The following PDE3A variants were observed in gnomAD, a reference collection of about 807,000 sequenced individuals.
PDE3A encodes cGMP-inhibited 3',5'-cyclic phosphodiesterase 3A.
PDE3A carries 43 observed loss-of-function variants against 98.3 expected under a neutral mutation model. That is an observed-to-expected ratio of 0.44 (90% CI 0.34 to 0.56). The LOEUF is 0.56. Ranked by LOEUF, PDE3A falls within the 20% of genes least tolerant of loss-of-function variation. The pLI is 0.01. For synonymous variants in PDE3A, 663 were observed against 567.9 expected (o/e 1.17, Z -2.38); for missense variants, 1,427 against 1,440.7 (o/e 0.99, Z 0.15).
Position 20,688,524 on chromosome 12 carries a change from A to G in PDE3A, c.*8253A>G, listed in dbSNP as rs191463845. Among the ~76,000 whole-genome samples the G allele has an allele frequency of 2.2e-3, 333 of 151,914 alleles. 5 individuals are homozygous for G. Among genetic ancestry groups the G allele is most frequent in the African/African-American group, 7.1e-3 (295 of 41,490 alleles). ...CAAAATTATTAAAATTATGTCCTAG[A>G]TTATCTATGTCGATGTTATGAGTGA... On this transcript the variant is annotated 3_prime_UTR_variant, in exon 16 of 16. Coordinates refer to ENST00000359062, the MANE Select transcript of PDE3A (RefSeq NM_000921.5).
intron 1 of PDE3A, among the ~76,000 whole-genome samples, chr12:20,459,021 G>C (rs1316006268): frequency 6.6e-6 from 1 of 152,160 alleles, no homozygotes; most frequent in African/African-American, 2.4e-5. Context: ...CAAGAGTGAT[G>C]GAAATAAGTC....
At chr12:20,419,015 A>G (rs1348249896) in intron 1 of PDE3A, among the ~76,000 whole-genome samples, 1 of 152,058 alleles carries the variant, frequency 6.6e-6, no homozygotes, top group Admixed American at 6.6e-5. Flanking sequence ...TATTTTAGTA[A>G]ATTCTTGGTT....
Position 20,485,497 on chromosome 12 carries a change from C to A in PDE3A, c.961-71163C>A, listed in dbSNP as rs542872636. On this transcript the variant is annotated intron_variant, in intron 1 of 15. Coordinates refer to ENST00000359062, the MANE Select transcript of PDE3A (RefSeq NM_000921.5). ...AAGAATTCTGAAACTTTGTTTTGTC[C>A]TTTTTTGATTAGTGTTAATACATTT... Among the ~76,000 whole-genome samples, 5 of 151,984 alleles carry A rather than the reference C, an allele frequency of 3.3e-5. No homozygotes were observed. In the East Asian group the frequency reaches 7.8e-4, roughly 24 times the overall value.
chr12:20,644,831 C>T (rs947057471), intron 10 of PDE3A, among the ~76,000 whole-genome samples: 2 of 148,202 alleles, frequency 1.3e-5, no homozygotes, highest in Admixed American at 6.7e-5. Context: ...CCTCCTCCTT[C>T]CCCTCCTCCT....
intron 2 of PDE3A, among the ~76,000 whole-genome samples, chr12:20,571,477 A>T (rs988014482): frequency 6.6e-6 from 1 of 152,174 alleles, no homozygotes; most frequent in Non-Finnish European, 1.5e-5. Context: ...GATCCTTTTA[A>T]GCCCTTTACA....
intron 15 of PDE3A, among the ~76,000 whole-genome samples, chr12:20,679,125 G>A (rs1210512525): frequency 6.6e-6 from 1 of 152,168 alleles, no homozygotes. Flanking sequence ...CTCTCAAGTG[G>A]TTGCAAAGAA....
intron 2 of PDE3A, among the ~76,000 whole-genome samples, chr12:20,566,558 T>C (rs749921809): frequency 6.6e-6 from 1 of 151,620 alleles, no homozygotes; most frequent in Non-Finnish European, 1.5e-5. Flanking sequence ...CTCAGAAAAT[T>C]GTGGGTGAGA....
chr12:20,648,920 TC>T lies in PDE3A; in HGVS notation c.2769+30del, dbSNP rs376483772. The T allele has an allele frequency of 9.2e-4, 1,016 of 1,107,916 alleles. 77 individuals are homozygous for T. The highest frequency in any genetic ancestry group is 1.0e-3 in the Admixed American group (34 of 33,870). 68.6% of individuals were successfully genotyped at this position (1,107,916 alleles called of 1,614,324 possible). Reference sequence around the variant, plus strand: ...AATAGAGCTGTACCCAGTTTTCTTTTCTTTTTCTTTTTTTTTTTTTTTTGAG... The same window carrying T: ...AATAGAGCTGTACCCAGTTTTCTTTTTTTTTCTTTTTTTTTTTTTTTTGAG... On this transcript the variant is annotated intron_variant, in intron 13 of 15. Coordinates refer to ENST00000359062, the MANE Select transcript of PDE3A (RefSeq NM_000921.5).
At chr12:20,664,576 G>T (rs1468644748) in intron 15 of PDE3A, among the ~76,000 whole-genome samples, 1 of 152,174 alleles carries the variant, frequency 6.6e-6, no homozygotes. Context: ...CCCAATGGGA[G>T]ACACTTGAAT....
chr12:20,552,594 C>G lies in PDE3A; in HGVS notation c.961-4066C>G. The G allele has an allele frequency of 6.2e-7, 1 of 1,613,692 alleles. No individual in the cohort carries two copies. The highest frequency in any genetic ancestry group is 1.1e-5 in the South Asian group (1 of 91,026). ...GGAAGCGGAAGTCGGCAGGAGGTGG[C>G]CCGAGCAGGGCCGGGTCCCCGCGCC... On this transcript the variant is annotated intron_variant, in intron 1 of 15. Transcript: ENST00000359062. The surrounding 1 kb of genome is among the most constrained non-coding windows in gnomAD (Gnocchi z 5.1).
intron 1 of PDE3A, among the ~76,000 whole-genome samples, chr12:20,512,870 T>C (rs1946252861): frequency 6.6e-6 from 1 of 152,146 alleles, no homozygotes. Flanking sequence ...TTTATTATTA[T>C]TGTGGTAACA....
At chr12:20,420,827 A>G (rs1044078476) in intron 1 of PDE3A, among the ~76,000 whole-genome samples, 2 of 152,150 alleles carry the variant, frequency 1.3e-5, no homozygotes, top group Admixed American at 6.5e-5. Flanking sequence ...ATCAGATTAC[A>G]CATAAGTTAT....
At chr12:20,525,476 G>T (rs10841560) in intron 1 of PDE3A, among the ~76,000 whole-genome samples, 4 of 145,942 alleles carry the variant, frequency 2.7e-5, no homozygotes, top group South Asian at 2.2e-4. Flanking sequence ...TTGGGGGGGG[G>T]GGCTTTTGAC....
At chr12:20,432,240 A>G (rs1250583341) in intron 1 of PDE3A, among the ~76,000 whole-genome samples, 1 of 152,166 alleles carries the variant, frequency 6.6e-6, no homozygotes, top group Non-Finnish European at 1.5e-5. Context: ...CTTTCTAGAT[A>G]TTGTTGAATT....
At chr12:20,383,808 C>T (rs896740967) in intron 1 of PDE3A, among the ~76,000 whole-genome samples, 1 of 151,896 alleles carries the variant, frequency 6.6e-6, no homozygotes, top group African/African-American at 2.4e-5. Flanking sequence ...GGGGTCACTG[C>T]AAGACTCGTT....
chr12:20,648,228 A>G (rs781629510), intron 12 of PDE3A, among the ~76,000 whole-genome samples: 50 of 151,428 alleles, frequency 3.3e-4, no homozygotes, highest in Non-Finnish European at 5.6e-4. Context: ...TGCCAGATAG[A>G]GAAAGTAACC....
intron 1 of PDE3A, among the ~76,000 whole-genome samples, chr12:20,538,186 C>G (rs1033817086): frequency 2.6e-5 from 4 of 151,944 alleles, no homozygotes; most frequent in Admixed American, 6.6e-5. Flanking sequence ...AAATCGCACT[C>G]TGTGTGTGTG....
intron 1 of PDE3A, among the ~76,000 whole-genome samples, chr12:20,504,011 G>T (rs1565570430): frequency 6.6e-6 from 1 of 152,182 alleles, no homozygotes; most frequent in East Asian, 1.9e-4. Context: ...GTTCATATCA[G>T]AATCTAAGGA....
At chr12:20,384,930 G>A (rs984159490) in intron 1 of PDE3A, among the ~76,000 whole-genome samples, 8 of 151,868 alleles carry the variant, frequency 5.3e-5, no homozygotes, top group Non-Finnish European at 7.4e-5. Flanking sequence ...CTAGTCTATC[G>A]TTGATGGGCA....
Sources: allele counts gnomAD v4.1 joint callset (sites outside exome capture counted in the v4.1 genomes callset), GRCh38; gene constraint gnomAD v4.1.1; non-coding constraint Gnocchi (gnomAD v3.1); transcripts MANE v1.5; gene names NCBI Gene and HGNC (gene_info 2026-07-23, HGNC 2026-07-21).